PPEF1: variants seen among roughly 807,000 people sequenced by gnomAD.
PPEF1 encodes the protein protein phosphatase with EF-hand domain 1, also known as serine/threonine-protein phosphatase with EF-hands 1.
Under a neutral mutation model 53.3 loss-of-function variants are expected in PPEF1, and 12 were observed. That is an observed-to-expected ratio of 0.23 (90% CI 0.14 to 0.36). PPEF1 has a LOEUF of 0.36. PPEF1 is among the 10% of genes least tolerant of loss of function. PPEF1 has a pLI of 1.00. For synonymous variants in PPEF1, 165 were observed against 176.7 expected (o/e 0.93, Z 0.52); for missense variants, 334 against 490.4 (o/e 0.68, Z 3.01).
intron 3 of PPEF1, among the ~76,000 whole-genome samples, chrX:18,738,594 A>G (rs1044983187): frequency 1.9e-5 from 2 of 106,513 alleles, no homozygotes; most frequent in Admixed American, 1.0e-4. Flanking sequence ...GAATCTGACA[A>G]TTATGTGTCT....
chrX:18,760,351 A>G (rs918670495), intron 5 of PPEF1, among the ~76,000 whole-genome samples: 8 of 110,658 alleles, frequency 7.2e-5, no homozygotes, highest in East Asian at 5.7e-4. Flanking sequence ...TTTTTTTTCT[A>G]TGTCTCATCA....
intron 11 of PPEF1, among the ~76,000 whole-genome samples, chrX:18,804,598 C>T (rs187040725): frequency 4.5e-5 from 5 of 112,007 alleles, no homozygotes; most frequent in East Asian, 5.6e-4. Flanking sequence ...TGAGCCACCG[C>T]GCCTGGCCCC....
intron 11 of PPEF1, among the ~76,000 whole-genome samples, chrX:18,806,132 G>A (rs763939697): frequency 4.5e-5 from 5 of 111,380 alleles, no homozygotes; most frequent in Non-Finnish European, 9.4e-5. Context: ...AGGATTCTGA[G>A]ATTTGGCACT....
At chrX:18,710,472 T>C (rs1412620322) in intron 1 of PPEF1, among the ~76,000 whole-genome samples, 1 of 110,794 alleles carries the variant, frequency 9.0e-6, no homozygotes, top group African/African-American at 3.3e-5. Flanking sequence ...TTGTAACAAC[T>C]CAACAAGAAA....
At position 18,749,767 on chromosome X, in the gene PPEF1, C is replaced by T. The variant is rs757423627; in HGVS notation, c.236-25C>T. The T allele has an allele frequency of 6.7e-5, 29 of 434,423 alleles. No homozygotes were observed. The South Asian group carries it at 6.8e-4, about 10-fold the overall frequency. The allele number at this position is 434,423 out of a possible 1,213,427, so 35.8% of individuals were successfully genotyped here. Reference sequence around the variant, plus strand: ...TTGATTCCCACCCCCACCCCCACCCCCCCGTTCTGTCCTTCCTTTTCCAGA... The same window carrying T: ...TTGATTCCCACCCCCACCCCCACCCTCCCGTTCTGTCCTTCCTTTTCCAGA... On this transcript the variant is annotated intron_variant, in intron 3 of 15. Coordinates refer to ENST00000470157, the MANE Select transcript of PPEF1 (RefSeq NM_001377996.1).
At chrX:18,743,141 A>G (rs942388913) in intron 3 of PPEF1, among the ~76,000 whole-genome samples, 6 of 112,268 alleles carry the variant, frequency 5.3e-5, no homozygotes, top group African/African-American at 1.6e-4. Flanking sequence ...ATAGGGAGGC[A>G]TGATTCCTTG....
At chrX:18,700,654 C>T (rs1305265377) in intron 6 of PPEF1, among the ~76,000 whole-genome samples, 1 of 111,416 alleles carries the variant, frequency 9.0e-6, no homozygotes, top group African/African-American at 3.3e-5. Context: ...AGGATTGTGG[C>T]CTATTTCAAA....
chrX:18,717,902 C>A (rs113961867), intron 1 of PPEF1, among the ~76,000 whole-genome samples: 1 of 111,716 alleles, frequency 9.0e-6, no homozygotes, highest in Non-Finnish European at 1.9e-5. Context: ...CAGCCCACAT[C>A]ATATGCTCTA....
chrX:18,703,010 G>A (rs2044116593), upstream of PPEF1, among the ~76,000 whole-genome samples: 1 of 110,939 alleles, frequency 9.0e-6, no homozygotes, highest in Admixed American at 9.6e-5. Flanking sequence ...CTTCTTCAAT[G>A]CACTTAAACG....
At chrX:18,752,037 G>T (rs374695130) in intron 4 of PPEF1, among the ~76,000 whole-genome samples, 5 of 111,905 alleles carry the variant, frequency 4.5e-5, no homozygotes, top group African/African-American at 1.6e-4. Flanking sequence ...TTCCATTTCT[G>T]CAAAAAAGCC....
At chrX:18,715,865 A>G (rs1294195758) in intron 1 of PPEF1, among the ~76,000 whole-genome samples, 2 of 112,214 alleles carry the variant, frequency 1.8e-5, no homozygotes, top group Non-Finnish European at 3.8e-5. Context: ...AAACATTGCA[A>G]TTTCATTCTC....
intron 12 of PPEF1, among the ~76,000 whole-genome samples, chrX:18,815,956 A>G (rs1362469845): frequency 1.9e-5 from 2 of 106,390 alleles, no homozygotes; most frequent in African/African-American, 6.8e-5. Flanking sequence ...GCTGGAGTGC[A>G]ATGGCGTGAT....
intron 12 of PPEF1, among the ~76,000 whole-genome samples, chrX:18,808,513 T>C (rs1399826459): frequency 9.6e-6 from 1 of 104,264 alleles, no homozygotes; most frequent in Admixed American, 1.1e-4. Context: ...ATGCTATAAC[T>C]AGCATTCCTA....
chrX:18,786,834 A>G (rs2046215479), intron 9 of PPEF1, among the ~76,000 whole-genome samples: 1 of 108,466 alleles, frequency 9.2e-6, no homozygotes, highest in Non-Finnish European at 1.9e-5. Context: ...ACTACTAAAC[A>G]TATAGCTTTC....
At chrX:18,800,259 C>G (rs2046522166) in intron 10 of PPEF1, among the ~76,000 whole-genome samples, 1 of 109,728 alleles carries the variant, frequency 9.1e-6, no homozygotes, top group South Asian at 3.8e-4. Flanking sequence ...TTGTATATGG[C>G]AAAAAAGGAG....
At chrX:18,798,553 C>G (rs2046478968) in intron 10 of PPEF1, among the ~76,000 whole-genome samples, 1 of 111,375 alleles carries the variant, frequency 9.0e-6, no homozygotes, top group Non-Finnish European at 1.9e-5. Context: ...TCAATGAGGC[C>G]TGAAGGGTGG....
chrX:18,781,484 C>A (rs781026701), intron 7 of PPEF1, among the ~76,000 whole-genome samples: 1 of 111,375 alleles, frequency 9.0e-6, no homozygotes, highest in South Asian at 3.8e-4. Context: ...TTTATGGTCA[C>A]AGAATCCAAG....
intron 6 of PPEF1, among the ~76,000 whole-genome samples, chrX:18,770,136 G>A (rs923332775): frequency 9.0e-6 from 1 of 111,251 alleles, no homozygotes; most frequent in Non-Finnish European, 1.9e-5. Flanking sequence ...ACTGGAACTG[G>A]GTGAAGCATG....
At position 18,810,076 on chromosome X, in the gene PPEF1, CTGTGTGTG is replaced by C. The variant is rs199559695; in HGVS notation, c.1394+3558_1394+3565del. ...TGTCAATAAAGCTGGAAAAAATCCT[CTGTGTGTG>C]TGTGTGTGTGTGTGTGTGTGTGTGT... is the stretch of plus-strand genomic sequence containing the variant. On this transcript the variant is annotated intron_variant, in intron 12 of 15. Transcript: ENST00000470157. Among the ~76,000 whole-genome samples, 528 of 99,315 alleles carry C rather than the reference CTGTGTGTG, an allele frequency of 5.3e-3. 4 individuals carry two copies. The highest frequency in any genetic ancestry group is 0.018 in the African/African-American group (478 of 27,204). The allele number at this position is 99,315 out of a possible 115,157, so 86.2% of individuals were successfully genotyped here.
Sources: allele counts gnomAD v4.1 joint callset (sites outside exome capture counted in the v4.1 genomes callset), GRCh38; gene constraint gnomAD v4.1.1; transcripts MANE v1.5; gene names NCBI Gene and HGNC (gene_info 2026-07-23, HGNC 2026-07-21).